The following HEMK2 variants were observed in gnomAD, a reference collection of about 807,000 sequenced individuals.
HEMK2 encodes the protein methyltransferase HEMK2.
At chr21:28,813,576 T>A in the HEMK2 span, among the ~76,000 whole-genome samples, 1 of 152,166 alleles carries the variant, frequency 6.6e-6, no homozygotes, top group Non-Finnish European at 1.5e-5. Context: ...AGAAAAAAAC[T>A]ACTTAACATT....
chr21:28,674,016 C>T, the HEMK2 span, among the ~76,000 whole-genome samples: 6 of 152,146 alleles, frequency 3.9e-5, no homozygotes, highest in African/African-American at 9.7e-5. Context: ...TTCTAAGTCA[C>T]AGGATGAGAT....
the HEMK2 span, among the ~76,000 whole-genome samples, chr21:28,727,529 G>A: frequency 4.7e-4 from 71 of 152,276 alleles, 1 homozygote; most frequent in East Asian, 9.1e-3. Context: ...TGCACCCTGC[G>A]TGCTCAAAAT....
the HEMK2 span, among the ~76,000 whole-genome samples, chr21:28,812,365 T>G: frequency 6.6e-6 from 1 of 152,190 alleles, no homozygotes; most frequent in African/African-American, 2.4e-5. Flanking sequence ...GGTATTGAAT[T>G]TTATTGAAGG....
chr21:28,746,392 G>C, the HEMK2 span, among the ~76,000 whole-genome samples: 2 of 152,152 alleles, frequency 1.3e-5, no homozygotes, highest in Non-Finnish European at 2.9e-5. Context: ...ATAAAGCATA[G>C]ACATAGCATT....
chr21:28,825,020 G>A, the HEMK2 span, among the ~76,000 whole-genome samples: 1 of 152,170 alleles, frequency 6.6e-6, no homozygotes, highest in South Asian at 2.1e-4. Context: ...AATAAACACT[G>A]CTTTGAAGAT....
At chr21:28,601,143 C>T in the HEMK2 span, among the ~76,000 whole-genome samples, 3 of 152,302 alleles carry the variant, frequency 2.0e-5, no homozygotes, top group East Asian at 5.8e-4. Flanking sequence ...GGTTCTTTTC[C>T]TCATCCTCAT....
At chr21:28,683,055 TA>T in the HEMK2 span, among the ~76,000 whole-genome samples, 18 of 151,338 alleles carry the variant, frequency 1.2e-4, no homozygotes, top group Non-Finnish European at 2.4e-4. Flanking sequence ...TAAAGTATAA[TA>T]AAAAAATTAA....
the HEMK2 span, among the ~76,000 whole-genome samples, chr21:28,649,335 G>C: frequency 6.6e-6 from 1 of 152,128 alleles, no homozygotes; most frequent in South Asian, 2.1e-4. Flanking sequence ...GGGGGCTCTC[G>C]TCTGACCCGA....
At chr21:28,636,872 C>A in the HEMK2 span, among the ~76,000 whole-genome samples, 2 of 152,122 alleles carry the variant, frequency 1.3e-5, no homozygotes, top group African/African-American at 4.8e-5. Flanking sequence ...TGCTTGTGAT[C>A]AGAATTTTCA....
At chr21:28,641,144 C>T in the HEMK2 span, among the ~76,000 whole-genome samples, 1 of 152,016 alleles carries the variant, frequency 6.6e-6, no homozygotes, top group Non-Finnish European at 1.5e-5. Flanking sequence ...ATAAAAAAAT[C>T]CTTGTTTCCT....
At chr21:28,877,619 A>G in the HEMK2 span, among the ~76,000 whole-genome samples, 1 of 148,160 alleles carries the variant, frequency 6.7e-6, no homozygotes, top group African/African-American at 2.5e-5. Context: ...AAAAAAAGAG[A>G]AAAGAGAGAA....
At chr21:28,875,302 T>A in the HEMK2 span, 3 of 152,274 alleles carry the variant, frequency 2.0e-5, no homozygotes. Context: ...AAGCTCAGGT[T>A]GCACGGTAAC....
At chr21:28,808,517 G>A in the HEMK2 span, among the ~76,000 whole-genome samples, 2 of 151,286 alleles carry the variant, frequency 1.3e-5, no homozygotes, top group African/African-American at 4.9e-5. Context: ...TTCAATCCAT[G>A]AACATGGTAT....
chr21:28,713,821 G>T, the HEMK2 span, among the ~76,000 whole-genome samples: 6 of 152,208 alleles, frequency 3.9e-5, no homozygotes. Flanking sequence ...AGTGTGTGAA[G>T]AAATTATTTC....
At chr21:28,617,352 A>C in the HEMK2 span, among the ~76,000 whole-genome samples, 3 of 152,326 alleles carry the variant, frequency 2.0e-5, no homozygotes, top group African/African-American at 7.2e-5. Context: ...GGACCAAATA[A>C]TGAAAGACCT....
chr21:28,706,395 T>A, the HEMK2 span, among the ~76,000 whole-genome samples: 1 of 152,186 alleles, frequency 6.6e-6, no homozygotes, highest in East Asian at 1.9e-4. Context: ...TTATCGGGCC[T>A]CAATCAAATG....
the HEMK2 span, among the ~76,000 whole-genome samples, chr21:28,778,500 A>G: frequency 6.6e-6 from 1 of 152,222 alleles, no homozygotes; most frequent in African/African-American, 2.4e-5. Flanking sequence ...TAAGTAAGAG[A>G]CTACGAAACT....
At chr21:28,802,649 T>C in the HEMK2 span, among the ~76,000 whole-genome samples, 3 of 152,182 alleles carry the variant, frequency 2.0e-5, no homozygotes, top group East Asian at 1.9e-4. Context: ...GGGAATCACT[T>C]GAACCCAGGA....
the HEMK2 span, among the ~76,000 whole-genome samples, chr21:28,694,854 C>T: frequency 6.6e-6 from 1 of 152,110 alleles, no homozygotes; most frequent in South Asian, 2.1e-4. Context: ...AAAAATTAGC[C>T]GGGCGTGGTG....
Sources: allele counts gnomAD v4.1 joint callset (sites outside exome capture counted in the v4.1 genomes callset), GRCh38; gene constraint gnomAD v4.1.1; transcripts MANE v1.5; gene names NCBI Gene and HGNC (gene_info 2026-07-23, HGNC 2026-07-21).